The following IPO8 variants were observed in gnomAD, a reference collection of about 807,000 sequenced individuals.
IPO8 encodes importin 8, also known as importin-8.
IPO8 carries 65 observed loss-of-function variants against 141.2 expected under a neutral mutation model. That is an observed-to-expected ratio of 0.46 (90% CI 0.38 to 0.57). The LOEUF (loss-of-function observed/expected upper bound fraction) is 0.57. Ranked by LOEUF, IPO8 falls within the 20% of genes least tolerant of loss-of-function variation. The pLI, the probability that IPO8 is intolerant of heterozygous loss-of-function variation, is 0.00. For missense variants in IPO8, 980 were observed against 1,246.8 expected (o/e 0.79, Z 3.22); for synonymous variants, 411 against 420.3 (o/e 0.98, Z 0.27).
At chr12:30,669,860 C>A (rs922034853) in intron 9 of IPO8, among the ~76,000 whole-genome samples, 1 of 152,154 alleles carries the variant, frequency 6.6e-6, no homozygotes, top group Non-Finnish European at 1.5e-5. Flanking sequence ...GTCCTATCTA[C>A]TAGCCTCTCT....
rs1371460343 is a variant in IPO8, at chr12:30,676,600, A to T, written c.640-13T>A. The T allele has an allele frequency of 1.3e-6, 2 of 1,577,744 alleles. No homozygotes were observed. The highest frequency in any genetic ancestry group is 3.3e-5 in the Admixed American group (2 of 59,980). On this transcript the variant is annotated splice_polypyrimidine_tract_variant and intron_variant, in intron 5 of 24. Coordinates refer to ENST00000256079, the MANE Select transcript of IPO8 (RefSeq NM_006390.4). The stretch of plus-strand genomic sequence containing the variant: ...GAGGCAATGCATACTGGAAAAGAGA[A>T]GAACAACATGAACAGTAATTCCTCC...
chr12:30,658,118 T>C (rs906371727), intron 16 of IPO8, among the ~76,000 whole-genome samples: 14 of 152,220 alleles, frequency 9.2e-5, no homozygotes, highest in African/African-American at 3.1e-4. Context: ...ATTCTAATAT[T>C]CAACTTAAAC....
rs372029529 is a variant in IPO8 at position 30,661,304 on chromosome 12, T to G, written c.1756-38A>C. The G allele has an allele frequency of 3.3e-6, 5 of 1,527,490 alleles. No individual in the cohort carries two copies. In the African/African-American group the frequency reaches 7.0e-5, roughly 22 times the overall value. The allele number at this position is 1,527,490 out of a possible 1,614,324, so 94.6% of individuals were successfully genotyped here. On this transcript the variant is annotated intron_variant, in intron 15 of 24. Coordinates refer to ENST00000256079, the MANE Select transcript of IPO8 (RefSeq NM_006390.4). Reference sequence around the variant, plus strand: ...CATTAAAGTATTCCGCAATTAGTAGTACTGTTACGTCCCCGCTTTACAAAA... The same window carrying G: ...CATTAAAGTATTCCGCAATTAGTAGGACTGTTACGTCCCCGCTTTACAAAA...
intron 17 of IPO8, among the ~76,000 whole-genome samples, chr12:30,655,998 T>C (rs55957969): frequency 0.059 from 8,961 of 152,304 alleles, 352 homozygotes; most frequent in Middle Eastern, 0.12. Flanking sequence ...CATTAGTTAC[T>C]GATTCTACTC....
intron 17 of IPO8, among the ~76,000 whole-genome samples, chr12:30,655,418 A>G (rs961921894): frequency 6.6e-6 from 1 of 152,200 alleles, no homozygotes; most frequent in African/African-American, 2.4e-5. Flanking sequence ...GGAATGACTA[A>G]ATCTGGCATC....
At chr12:30,658,891 T>G (rs1253366952) in intron 16 of IPO8, among the ~76,000 whole-genome samples, 2 of 145,694 alleles carry the variant, frequency 1.4e-5, no homozygotes, top group East Asian at 4.0e-4. Context: ...TTTTTTTTTT[T>G]TTTTTTGGAG....
intron 21 of IPO8, 117 bp downstream of exon 21, chr12:30,639,398 C>T (rs2052547008): frequency 1.2e-5 from 8 of 661,542 alleles, no homozygotes; most frequent in Non-Finnish European, 1.8e-5. Context: ...ATTAACAATA[C>T]ACTAAAAATA....
Position 30,661,279 on chromosome 12 carries a change from C to T in IPO8, c.1756-13G>A. 6.4e-7 allele frequency: 1 copy of T among 1,571,700 alleles called. No individual in the cohort carries two copies. The highest frequency in any genetic ancestry group is 1.4e-5 in the African/African-American group (1 of 72,376). On this transcript the variant is annotated splice_polypyrimidine_tract_variant and intron_variant, in intron 15 of 24. Coordinates refer to ENST00000256079, the MANE Select transcript of IPO8 (RefSeq NM_006390.4). ...CAAATATCTCAGCCTATGAAAATAA[C>T]ATTAAAGTATTCCGCAATTAGTAGT...
At chr12:30,650,568 T>C (rs1024629256) in intron 19 of IPO8, among the ~76,000 whole-genome samples, 4 of 152,100 alleles carry the variant, frequency 2.6e-5, no homozygotes, top group Admixed American at 1.3e-4. Context: ...CTTCCACTTA[T>C]TAGCTGTGTT....
At chr12:30,631,675 A>T (rs1280515362) in intron 24 of IPO8, 11 of 404,068 alleles carry the variant, frequency 2.7e-5, no homozygotes, top group Non-Finnish European at 4.9e-5. Context: ...GTGAATGAGA[A>T]CACCACTAGG....
chr12:30,686,131 T>C (rs756231882), intron 2 of IPO8, among the ~76,000 whole-genome samples: 1 of 152,112 alleles, frequency 6.6e-6, no homozygotes, highest in Non-Finnish European at 1.5e-5. Context: ...AAGGGGGATG[T>C]GTGTTAGAGT....
intron 6 of IPO8, 108 bp downstream of exon 6, chr12:30,676,390 A>G (rs996559815): frequency 1.1e-4 from 53 of 489,218 alleles, no homozygotes; most frequent in African/African-American, 1.0e-3. Flanking sequence ...AATTTATTTT[A>G]TTAAAGTAGT....
intron 20 of IPO8, among the ~76,000 whole-genome samples, chr12:30,641,467 T>A (rs2052572853): frequency 6.6e-6 from 1 of 150,458 alleles, no homozygotes; most frequent in Non-Finnish European, 1.5e-5. Context: ...GGTTCCCATA[T>A]CCGTTACCAA....
In IPO8 at chr12:30,673,307, T is replaced by C. The variant is rs73275343; in HGVS notation, c.909+683A>G. Among the ~76,000 whole-genome samples the C allele has an allele frequency of 7.7e-4, 118 of 152,316 alleles. 1 individual carries two copies. Among genetic ancestry groups the C allele is most frequent in the African/African-American group, 2.7e-3 (114 of 41,586 alleles). ...TCTATGTCAGTAAAGCTTTTCCCTATGTCTAATTAGTCTTTGCTTCCTCAA... is the reference window on the plus strand; with the variant it reads ...TCTATGTCAGTAAAGCTTTTCCCTACGTCTAATTAGTCTTTGCTTCCTCAA... On this transcript the variant is annotated intron_variant, in intron 8 of 24. Transcript: ENST00000256079.
At chr12:30,646,226 T>C (rs1436739860) in intron 20 of IPO8, among the ~76,000 whole-genome samples, 4 of 152,200 alleles carry the variant, frequency 2.6e-5, no homozygotes, top group Admixed American at 6.5e-5. Context: ...ATTAATGTAA[T>C]ACATCTCTAT....
chr12:30,665,259 AAAT>A lies in IPO8; in HGVS notation c.1386_1388del (p.Phe463del). 1 of 1,600,862 alleles carries A rather than the reference AAAT, an allele frequency of 6.2e-7. No individual in the cohort carries two copies. The highest frequency in any genetic ancestry group is 8.5e-7 in the Non-Finnish European group (1 of 1,170,580). ...ATCCCAGGTTAGACAATAATAATGG[AAAT>A]ACATGATTTTGTAGAAACAGCTCCA... On this transcript the variant is annotated inframe_deletion, in exon 13 of 25. Coordinates refer to ENST00000256079, the MANE Select transcript of IPO8 (RefSeq NM_006390.4).
At chr12:30,657,818 T>A (rs574606346) in intron 16 of IPO8, among the ~76,000 whole-genome samples, 1 of 152,158 alleles carries the variant, frequency 6.6e-6, no homozygotes, top group East Asian at 1.9e-4. Flanking sequence ...TAGCATGCTA[T>A]CATTTTCGTA....
intron 20 of IPO8, among the ~76,000 whole-genome samples, chr12:30,646,637 G>A (rs1344558938): frequency 6.6e-6 from 1 of 151,900 alleles, no homozygotes; most frequent in Non-Finnish European, 1.5e-5. Flanking sequence ...GTTCAGCAAG[G>A]TTGCAGGATA....
In IPO8 at chr12:30,663,588, C is replaced by T. The variant is rs141041651; in HGVS notation, c.1495G>A (p.Val499Ile). Residue 499 changes from valine to isoleucine, a missense_variant, in exon 14 of 25, where the codon GTT becomes ATT. Val to Ile is a conservative substitution (Grantham distance 29, BLOSUM62 3). This residue lies in a region of IPO8 where 924 missense variants were observed against 1,153.9 expected (regional missense o/e 0.80). Transcript: ENST00000256079. Reference sequence around the variant, plus strand: ...ATCAGGCTCTTCTTCGCTAATTCAACGGCATTTCTTAGATTGAGCTCATTA... The same window carrying T: ...ATCAGGCTCTTCTTCGCTAATTCAATGGCATTTCTTAGATTGAGCTCATTA... ...FHNELNLRNA[V>I]ELAKKSLIED... 202 of 1,613,490 alleles carry T rather than the reference C, an allele frequency of 1.3e-4. 2 individuals are homozygous for T. The African/African-American group carries it at 2.1e-3, about 17-fold the overall frequency.
Sources: gnomAD v4.1 joint callset for allele counts (sites outside exome capture counted in the v4.1 genomes callset) on GRCh38, gnomAD v4.1.1 for gene constraint, gnomAD v4.1.1 regional missense constraint, MANE v1.5 for transcripts, NCBI Gene and HGNC (gene_info 2026-07-23, HGNC 2026-07-21) for gene names.